RAD51AP2: variants seen among roughly 807,000 people sequenced by gnomAD.
The protein encoded by RAD51AP2 is RAD51 associated protein 2, also known as RAD51-associated protein 2.
A neutral mutation model predicts 85.5 loss-of-function variants in RAD51AP2; 67 were observed. That is an observed-to-expected ratio of 0.78 (90% confidence interval 0.64 to 0.96). RAD51AP2 has a LOEUF of 0.96. RAD51AP2 is among the 40% of genes least tolerant of loss of function. The pLI is 0.00. For synonymous variants in RAD51AP2, 474 were observed against 446.5 expected (o/e 1.06, Z -0.78); for missense variants, 1,307 against 1,332.4 (o/e 0.98, Z 0.30).
intron 2 of RAD51AP2, 100 bp from the exon 3 acceptor site, chr2:17,511,055 A>G: frequency 3.1e-6 from 2 of 645,028 alleles, no homozygotes; most frequent in Non-Finnish European, 4.9e-6. Context: ...CTGAATATTT[A>G]CTGAGCACTT....
At position 17,517,057 on chromosome 2, in the gene RAD51AP2, A is replaced by AT. The variant is rs774311987; in HGVS notation, c.1358dup (p.Asn453LysfsTer4). 2.5e-6 allele frequency: 4 copies of AT among 1,612,060 alleles called. No individual in the cohort carries two copies. The highest frequency in any genetic ancestry group is 3.4e-6 in the Non-Finnish European group (4 of 1,179,354). ...GAAGCTTTGATTGTTCTTCATATGCATTGATGACTTTTGCACAGTGGTAAT... is the reference window on the plus strand; with the variant it reads ...GAAGCTTTGATTGTTCTTCATATGCATTTGATGACTTTTGCACAGTGGTAAT... On this transcript the variant is annotated frameshift_variant, in exon 1 of 3. Transcript: ENST00000399080. LOFTEE classifies it high-confidence loss of function.
chr2:17,531,429 A>T, the RAD51AP2 span, among the ~76,000 whole-genome samples: 44,637 of 152,068 alleles, frequency 0.29, 8,352 homozygotes, highest in East Asian at 0.87. Flanking sequence ...ACTACAATCT[A>T]CACAACCAGA....
rs138564726 is a variant in RAD51AP2, at chr2:17,511,462, C to T, written c.3329-507G>A. ...ATTTAACATTATACTATATCATTTTCGAAGATGTCCAAAACAGTTCATGGA... is the reference window on the plus strand; with the variant it reads ...ATTTAACATTATACTATATCATTTTTGAAGATGTCCAAAACAGTTCATGGA... On this transcript the variant is annotated intron_variant, in intron 2 of 2. Coordinates refer to ENST00000399080, the MANE Select transcript of RAD51AP2 (RefSeq NM_001099218.3). Among the ~76,000 whole-genome samples, 581 of 152,158 alleles carry T rather than the reference C, an allele frequency of 3.8e-3. 5 individuals carry two copies. The highest frequency in any genetic ancestry group is 5.4e-3 in the Non-Finnish European group (368 of 67,970).
chr2:17,520,217 T>C (rs1396795004), upstream of RAD51AP2, among the ~76,000 whole-genome samples: 2 of 152,182 alleles, frequency 1.3e-5, no homozygotes, highest in Non-Finnish European at 2.9e-5. Context: ...AAAAAGAGTC[T>C]TTTCTTGCAT....
At chr2:17,513,176 G>A (rs1662542308) in intron 2 of RAD51AP2, among the ~76,000 whole-genome samples, 2 of 150,812 alleles carry the variant, frequency 1.3e-5, no homozygotes, top group Non-Finnish European at 3.0e-5. Context: ...GTTTTATTCT[G>A]ATATTGTAGA....
At chr2:17,529,632 C>T in the RAD51AP2 span, among the ~76,000 whole-genome samples, 1 of 152,118 alleles carries the variant, frequency 6.6e-6, no homozygotes, top group African/African-American at 2.4e-5. Flanking sequence ...ATACTAAAAT[C>T]TAAAAGAAGA....
upstream of RAD51AP2, among the ~76,000 whole-genome samples, chr2:17,522,671 C>T (rs1378640905): frequency 6.6e-6 from 1 of 151,896 alleles, no homozygotes; most frequent in Non-Finnish European, 1.5e-5. Context: ...CGTGCAATTG[C>T]AAATAACACC....
At chr2:17,519,031 A>T (rs1365118393), upstream of RAD51AP2, among the ~76,000 whole-genome samples, 1 of 152,128 alleles carries the variant, frequency 6.6e-6, no homozygotes, top group African/African-American at 2.4e-5. Context: ...ACCAGTACTT[A>T]CCAGTCTATC....
the RAD51AP2 span, among the ~76,000 whole-genome samples, chr2:17,524,662 T>C: frequency 6.6e-6 from 1 of 152,090 alleles, no homozygotes; most frequent in African/African-American, 2.4e-5. Context: ...ATACTATCTC[T>C]TACACTAAAT....
At chr2:17,533,013 A>G in the RAD51AP2 span, among the ~76,000 whole-genome samples, 10 of 152,324 alleles carry the variant, frequency 6.6e-5, no homozygotes, top group African/African-American at 2.2e-4. Flanking sequence ...TTGCAAACAA[A>G]TATGTAGGGA....
upstream of RAD51AP2, among the ~76,000 whole-genome samples, chr2:17,520,507 G>A (rs369579153): frequency 6.6e-6 from 1 of 151,934 alleles, no homozygotes; most frequent in African/African-American, 2.4e-5. Context: ...ACCTTCCTTA[G>A]TAACAGTAAA....
Position 17,515,430 on chromosome 2 carries a change from C to T in RAD51AP2, c.2986G>A (p.Gly996Arg), listed in dbSNP as rs201830347. The change falls in exon 1 of 3, where the codon GGG becomes AGG. Residue 996 changes from glycine (G) to arginine (R), a missense_variant. Physicochemically the swap from Gly to Arg is moderately radical, Grantham distance 125 (BLOSUM62 -2). Coordinates refer to ENST00000399080, the MANE Select transcript of RAD51AP2 (RefSeq NM_001099218.3). ...TTTTCTCCAAAGTAATTTTCTTGCC[C>T]ATTGTTTGTTTCCACAGTGCTTAGA... is the stretch of plus-strand genomic sequence containing the variant. The part of the protein sequence containing the change: ...ELLSTVETNN[G>R]QENYFGENDA... 432 of 1,612,814 alleles carry T rather than the reference C, an allele frequency of 2.7e-4. 3 individuals are homozygous for T. In the South Asian group the frequency reaches 4.5e-3, roughly 17 times the overall value.
rs780194744 is a variant in RAD51AP2, at chr2:17,515,762, A to G, written c.2654T>C (p.Val885Ala). ...TTGATTAACATATTTATTTTCTTCC[A>G]CATTTACTTCCTTACTTATTAATGA... ...SVSLISKEVN[V>A]EENKYVNQNY... is the part of the protein sequence containing the mutation. Residue 885 changes from valine (V) to alanine (A), a missense_variant, in exon 1 of 3, where the codon GTG becomes GCG. Physicochemically the swap from Val to Ala is moderately conservative, Grantham distance 64. This residue lies in a region of RAD51AP2 where 668 missense variants were observed against 671.0 expected (regional missense o/e 1.00). Transcript: ENST00000399080. 8.1e-6 allele frequency: 13 copies of G among 1,595,716 alleles called. No homozygotes were observed. In the African/African-American group the frequency reaches 1.8e-4, roughly 22 times the overall value.
chr2:17,537,831 A>G, the RAD51AP2 span, among the ~76,000 whole-genome samples: 1 of 152,186 alleles, frequency 6.6e-6, no homozygotes, highest in African/African-American at 2.4e-5. Flanking sequence ...AAATTTCTAT[A>G]AAGAACATAA....
chr2:17,529,586 C>CA, the RAD51AP2 span, among the ~76,000 whole-genome samples: 47 of 152,228 alleles, frequency 3.1e-4, no homozygotes, highest in Non-Finnish European at 4.6e-4. Context: ...ATATAAGATG[C>CA]AGCTTCTGCA....
the RAD51AP2 span, among the ~76,000 whole-genome samples, chr2:17,524,169 C>T: frequency 1.3e-5 from 2 of 151,982 alleles, no homozygotes; most frequent in Non-Finnish European, 2.9e-5. Context: ...ACTCTCCTCT[C>T]CTGTGCCTCT....
rs761000709 is a variant in RAD51AP2, at chr2:17,516,530, A to G, written c.1886T>C (p.Leu629Pro). 20 of 1,551,838 alleles carry G rather than the reference A, an allele frequency of 1.3e-5. No individual in the cohort carries two copies. In the East Asian group the frequency reaches 4.1e-4, roughly 31 times the overall value. Residue 629 changes from leucine to proline, a missense_variant, in exon 1 of 3, where the codon CTA (leucine) becomes CCA (proline). By Grantham distance (98) the Leu-to-Pro change is moderately conservative. Transcript: ENST00000399080. ...TCTTGAAGAAGTTAAAATCTTTACT[A>G]GATATGCAGTATGATTTTCCACTAT... Reference protein sequence around the residue: ...KNIVENHTAYLVKILTSSRLL... With the variant: ...KNIVENHTAYPVKILTSSRLL...
chr2:17,525,431 T>C, the RAD51AP2 span, among the ~76,000 whole-genome samples: 3 of 151,982 alleles, frequency 2.0e-5, no homozygotes, highest in African/African-American at 7.2e-5. Flanking sequence ...ACACTGGGAA[T>C]TGGGGAGAGG....
chr2:17,537,598 C>G, the RAD51AP2 span, among the ~76,000 whole-genome samples: 1 of 152,144 alleles, frequency 6.6e-6, no homozygotes. Flanking sequence ...ATTTTACACA[C>G]AAATTTTCTA....
Sources: gnomAD v4.1 joint callset for allele counts (sites outside exome capture counted in the v4.1 genomes callset) on GRCh38, gnomAD v4.1.1 for gene constraint, gnomAD v4.1.1 regional missense constraint, MANE v1.5 for transcripts, NCBI Gene and HGNC (gene_info 2026-07-23, HGNC 2026-07-21) for gene names.